The following CEP290 variants were observed in gnomAD, a reference collection of about 807,000 sequenced individuals.
The protein encoded by CEP290 is centrosomal protein of 290 kDa.
A neutral mutation model predicts 344.9 loss-of-function variants in CEP290; 317 were observed. The observed-to-expected ratio is 0.92, with a 90% CI of 0.84 to 1.01. CEP290 has a LOEUF of 1.01. Among genes scored for constraint, CEP290 ranks in the 50% least tolerant of loss-of-function variants. CEP290 has a pLI of 0.00. For synonymous variants in CEP290, 932 were observed against 895.8 expected, an observed-to-expected ratio of 1.04 and a Z score of -0.72; for missense variants, 2,754 against 2,761.4, an observed-to-expected ratio of 1.00 and a Z score of 0.06.
At chr12:88,074,624 A>G (rs765214800) in intron 41 of CEP290, among the ~76,000 whole-genome samples, 9 of 152,138 alleles carry the variant, frequency 5.9e-5, no homozygotes, top group Non-Finnish European at 8.8e-5. Context: ...CTCAGAAAAG[A>G]GTCTCTCTGA....
intron 28 of CEP290, among the ~76,000 whole-genome samples, chr12:88,093,333 C>G (rs2037186789): frequency 6.6e-6 from 1 of 152,066 alleles, no homozygotes; most frequent in Non-Finnish European, 1.5e-5. Context: ...TACTGCCACA[C>G]AGTTTAATGA....
At chr12:88,078,444 T>G (rs2035949022) in intron 39 of CEP290, among the ~76,000 whole-genome samples, 1 of 152,068 alleles carries the variant, frequency 6.6e-6, no homozygotes, top group Admixed American at 6.6e-5. Flanking sequence ...TTTCCATCTA[T>G]AACATATTCT....
Position 88,060,876 on chromosome 12 carries a change from G to T in CEP290, c.6476C>A (p.Thr2159Asn). 1.3e-6 allele frequency: 2 copies of T among 1,533,414 alleles called. No homozygotes were observed. Among genetic ancestry groups the T allele is most frequent in the African/African-American group, 1.4e-5 (1 of 71,866 alleles). The allele number at this position is 1,533,414 out of a possible 1,614,324, so 95.0% of individuals were successfully genotyped here. ...EQLKKASGILTSEKMANIEQE... is the reference protein window; with the variant it reads ...EQLKKASGILNSEKMANIEQE... ...CTCAATATTAGCCATTTTTTCACTAGTCAATATTCCTGATGCTTTTTTCAA... is the reference window on the plus strand; with the variant it reads ...CTCAATATTAGCCATTTTTTCACTATTCAATATTCCTGATGCTTTTTTCAA... The change falls in exon 47 of 54, where the codon ACT becomes AAT. Residue 2159 changes from threonine (T) to asparagine (N), a missense_variant. Transcript: ENST00000552810.
chr12:88,077,964 T>C (rs1309638850), intron 39 of CEP290, 46 bp from the exon 40 acceptor site: 1 of 801,370 alleles, frequency 1.2e-6, no homozygotes, highest in Admixed American at 3.5e-5. Flanking sequence ...CTTCAAGAAG[T>C]ATCAATGATA....
intron 23 of CEP290, among the ~76,000 whole-genome samples, chr12:88,108,207 C>T (rs1230004136): frequency 1.3e-5 from 2 of 151,978 alleles, no homozygotes; most frequent in Admixed American, 6.6e-5. Flanking sequence ...TGGCATAAAC[C>T]CAGTATAGCG....
intron 32 of CEP290, 98 bp from the exon 33 acceptor site, chr12:88,086,596 T>C (rs1040262413): frequency 1.1e-5 from 8 of 721,338 alleles, no homozygotes; most frequent in South Asian, 2.7e-5. Flanking sequence ...TCACAACACA[T>C]TGAAGAAACT....
rs142162258 is a variant in CEP290 at position 88,114,400 on chromosome 12, A to G, written c.2052+20T>C. On this transcript the variant is annotated intron_variant, in intron 20 of 53. Coordinates refer to ENST00000552810, the MANE Select transcript of CEP290 (RefSeq NM_025114.4). Reference sequence around the variant, plus strand: ...CTAAAGTGATAGGGGAAAAACATTAACATGAAAAAAATAACTTACATTAAC... The same window carrying G: ...CTAAAGTGATAGGGGAAAAACATTAGCATGAAAAAAATAACTTACATTAAC... 8.5e-6 allele frequency: 13 copies of G among 1,530,502 alleles called. No individual in the cohort carries two copies. Among genetic ancestry groups the G allele is most frequent in the African/African-American group, 1.4e-5 (1 of 71,994 alleles). The allele number at this position is 1,530,502 out of a possible 1,614,324, so 94.8% of individuals were successfully genotyped here.
chr12:88,053,818 T>C, intron 51 of CEP290, 72 bp from the exon 52 acceptor site: 2 of 734,522 alleles, frequency 2.7e-6, no homozygotes, highest in South Asian at 1.8e-5. Context: ...GCATTTCTTA[T>C]GAACTAGTGA....
rs2036556391 is a variant in CEP290, at chr12:88,086,132, G to A, written c.4344C>T (p.Pro1448=). 2 of 1,612,846 alleles carry A rather than the reference G, an allele frequency of 1.2e-6. No homozygotes were observed. ...ATGSIPDPSL[P]LPNQLEIALR... ...GAGCGATCTCAAGTTGATTTGGAAG[G>A]GGCAAACTAGGGTCAGGGATTGATC... Residue 1448 remains proline (P), a synonymous_variant, in exon 34 of 54, where the codon CCC becomes CCT. Coordinates refer to ENST00000552810, the MANE Select transcript of CEP290 (RefSeq NM_025114.4).
chr12:88,141,105 G>T, intron 2 of CEP290, 72 bp from the exon 3 acceptor site: 1 of 1,331,710 alleles, frequency 7.5e-7, no homozygotes, highest in Non-Finnish European at 1.0e-6. Context: ...CTTCCAGATT[G>T]TGACAATTAT....
rs2036975492 is a variant in CEP290 at position 88,090,788 on chromosome 12, T to C, written c.3513A>G (p.Ala1171=). The change falls in exon 30 of 54, where the codon GCA becomes GCG. Residue 1171 remains alanine, a synonymous_variant. Transcript: ENST00000552810. ...CTTCCTTGTCCCTAGATTGTTGTTG[T>C]GCATTCAAAATTTCAACTTGTCTTC... ...IARRQVEILN[A]QQQSRDKEVE... The C allele has an allele frequency of 4.5e-6, 7 of 1,562,924 alleles. No individual in the cohort carries two copies. Among genetic ancestry groups the C allele is most frequent in the African/African-American group, 2.7e-5 (2 of 74,136 alleles).
intron 6 of CEP290, among the ~76,000 whole-genome samples, chr12:88,132,504 G>A (rs189879470): frequency 0.01 from 1,530 of 152,224 alleles, 12 homozygotes; most frequent in Middle Eastern, 0.02. Flanking sequence ...TTCATTGTAG[G>A]AGAACATCTT....
In CEP290 at chr12:88,087,810, A is replaced by T. The variant is rs374319245; in HGVS notation, c.4164T>A (p.Ser1388Arg). ...IISEYERTIS[S>R]LEEEIVQQNK... is the part of the protein sequence containing the mutation. ...TCTGTTGCACAATTTCTTCTTCAAG[A>T]CTGCTGATTGTACGTTCATATTCAG... is the stretch of plus-strand genomic sequence containing the variant. The change falls in exon 32 of 54, where the codon AGT becomes AGA. Residue 1388 changes from serine (S) to arginine (R), a missense_variant. Physicochemically the swap from Ser to Arg is moderately radical, Grantham distance 110. Coordinates refer to ENST00000552810, the MANE Select transcript of CEP290 (RefSeq NM_025114.4). The T allele has an allele frequency of 7.8e-7, 1 of 1,288,892 alleles. No homozygotes were observed. Among genetic ancestry groups the T allele is most frequent in the Non-Finnish European group, 1.0e-6 (1 of 999,938 alleles). The allele number at this position is 1,288,892 out of a possible 1,614,324, so 79.8% of individuals were successfully genotyped here.
At chr12:88,083,663 TTATAAA>T (rs2036356161) in intron 36 of CEP290, among the ~76,000 whole-genome samples, 178 bp downstream of exon 36, 2 of 152,158 alleles carry the variant, frequency 1.3e-5, no homozygotes, top group African/African-American at 2.4e-5. Flanking sequence ...TGGCTAAGAA[TTATAAA>T]TATAATTTTG....
In CEP290 at chr12:88,079,238, T is replaced by C. The variant is rs571981633; in HGVS notation, c.5227-9A>G. On this transcript the variant is annotated splice_polypyrimidine_tract_variant and intron_variant, in intron 38 of 53. Coordinates refer to ENST00000552810, the MANE Select transcript of CEP290 (RefSeq NM_025114.4). ...AGTGCCCGACTAAGTGCCTAAAAAT[T>C]AACCAAAAAAAAAATGTAATTTTTA... 8.1e-5 allele frequency: 127 copies of C among 1,570,032 alleles called. No individual in the cohort carries two copies. In the Admixed American group the frequency reaches 2.5e-3, roughly 31 times the overall value.
At chr12:88,076,022 C>T (rs2035747028) in intron 41 of CEP290, among the ~76,000 whole-genome samples, 1 of 152,106 alleles carries the variant, frequency 6.6e-6, no homozygotes, top group Non-Finnish European at 1.5e-5. Flanking sequence ...AGCCACAAGG[C>T]TCTTAAAACA....
chr12:88,071,579 A>G, intron 42 of CEP290, 130 bp from the exon 43 acceptor site: 1 of 891,408 alleles, frequency 1.1e-6, no homozygotes, highest in South Asian at 2.0e-5. Flanking sequence ...TTACAACGAG[A>G]TCACAGGAAA....
intron 48 of CEP290, 62 bp downstream of exon 48, chr12:88,059,836 T>C: frequency 7.2e-7 from 1 of 1,396,810 alleles, no homozygotes; most frequent in South Asian, 1.4e-5. Context: ...TACTTCCAGT[T>C]TTTCCAAGAG....
Position 88,064,119 on chromosome 12 carries a change from C to G in CEP290, c.6136-4G>C. On this transcript the variant is annotated splice_polypyrimidine_tract_variant and splice_region_variant and intron_variant, in intron 44 of 53. Coordinates refer to ENST00000552810, the MANE Select transcript of CEP290 (RefSeq NM_025114.4). The stretch of plus-strand genomic sequence containing the variant: ...CATCTGACTCTATTCCTGAAATCTT[C>G]AGGGAAATGAAATTAGGAATATTTT... The G allele has an allele frequency of 6.5e-7, 1 of 1,542,708 alleles. No homozygotes were observed. Among genetic ancestry groups the G allele is most frequent in the Non-Finnish European group, 8.7e-7 (1 of 1,145,554 alleles).
Sources: allele counts gnomAD v4.1 joint callset (sites outside exome capture counted in the v4.1 genomes callset), GRCh38; gene constraint gnomAD v4.1.1; transcripts MANE v1.5; gene names NCBI Gene and HGNC (gene_info 2026-07-23, HGNC 2026-07-21).